Variants in PTPRK observed in about 807,000 individuals in gnomAD.
The protein encoded by PTPRK is receptor-type tyrosine-protein phosphatase kappa.
In PTPRK, 75 loss-of-function variants were observed where a neutral mutation model predicts 178.0. The observed-to-expected ratio is 0.42, with a 90% CI of 0.35 to 0.51. The LOEUF is 0.51. Among genes scored for constraint, PTPRK ranks in the 20% least tolerant of loss-of-function variants. The pLI is 0.02. For synonymous variants in PTPRK, 637 were observed against 620.6 expected (o/e 1.03, Z -0.39); for missense variants, 1,441 against 1,797.8 (o/e 0.80, Z 3.59).
At chr6:128,302,391 CAAAAAAAAAAA>C (rs534525238) in intron 3 of PTPRK, among the ~76,000 whole-genome samples, 3 of 30,914 alleles carry the variant, frequency 9.7e-5, no homozygotes, top group Admixed American at 4.5e-4. Context: ...GACTCAATTC[CAAAAAAAAAAA>C]AAAAAAAAAA....
At chr6:128,074,198 A>G (rs1341095900) in intron 11 of PTPRK, among the ~76,000 whole-genome samples, 1 of 152,076 alleles carries the variant, frequency 6.6e-6, no homozygotes, top group Non-Finnish European at 1.5e-5. Flanking sequence ...GATGTTCTCC[A>G]CAAAACAAAG....
At chr6:128,219,672 A>G (rs1583541606) in intron 5 of PTPRK, among the ~76,000 whole-genome samples, 2 of 152,234 alleles carry the variant, frequency 1.3e-5, no homozygotes, top group East Asian at 3.8e-4. Context: ...ACACCAGAGT[A>G]AATGAATTAA....
At chr6:128,236,638 C>A (rs1177700918) in intron 5 of PTPRK, among the ~76,000 whole-genome samples, 1 of 152,194 alleles carries the variant, frequency 6.6e-6, no homozygotes, top group East Asian at 1.9e-4. Flanking sequence ...TGAGCCACTG[C>A]GCCCGACCCT....
chr6:128,298,940 G>T (rs189473607), intron 3 of PTPRK, among the ~76,000 whole-genome samples: 328 of 152,290 alleles, frequency 2.2e-3, no homozygotes, highest in African/African-American at 7.4e-3. Flanking sequence ...GTCCCTGTTT[G>T]CAGACGACAT....
chr6:128,350,021 G>A (rs1033422709), intron 2 of PTPRK, among the ~76,000 whole-genome samples: 2 of 152,128 alleles, frequency 1.3e-5, no homozygotes. Flanking sequence ...ACTAGTTTTA[G>A]AATGTGGAGC....
intron 16 of PTPRK, among the ~76,000 whole-genome samples, chr6:127,997,440 G>A (rs1022003409): frequency 4.6e-5 from 7 of 151,980 alleles, no homozygotes; most frequent in African/African-American, 1.4e-4. Context: ...GCAATACATC[G>A]CATCTGAGTT....
chr6:128,244,898 G>T (rs1298163755), intron 3 of PTPRK, among the ~76,000 whole-genome samples: 6 of 152,158 alleles, frequency 3.9e-5, no homozygotes, highest in African/African-American at 1.4e-4. Context: ...TAAGAAAGAG[G>T]TCAAGAGAAA....
At chr6:128,287,969 C>T (rs1822778373) in intron 3 of PTPRK, among the ~76,000 whole-genome samples, 1 of 152,002 alleles carries the variant, frequency 6.6e-6, no homozygotes, top group African/African-American at 2.4e-5. Context: ...TTTTCTACTC[C>T]CTACCTACTT....
chr6:128,125,612 T>C (rs1299476534), intron 7 of PTPRK, among the ~76,000 whole-genome samples: 1 of 132,856 alleles, frequency 7.5e-6, no homozygotes, highest in Non-Finnish European at 1.7e-5. Flanking sequence ...CTTTTTTTTT[T>C]TTTTTTTTTT....
At chr6:128,283,791 A>C (rs748558582) in intron 3 of PTPRK, among the ~76,000 whole-genome samples, 15 of 152,170 alleles carry the variant, frequency 9.9e-5, no homozygotes, top group Non-Finnish European at 1.3e-4. Flanking sequence ...CTCAATTTGT[A>C]GTATGTTATC....
intron 1 of PTPRK, among the ~76,000 whole-genome samples, chr6:128,455,586 C>T (rs1000584369): frequency 1.3e-5 from 2 of 152,164 alleles, no homozygotes; most frequent in Non-Finnish European, 2.9e-5. Flanking sequence ...CAAATCCCAA[C>T]TCCTCCACTT....
At chr6:127,997,107 G>T in intron 16 of PTPRK, 119 bp from the exon 17 acceptor site, 1 of 965,206 alleles carries the variant, frequency 1.0e-6, no homozygotes, top group Non-Finnish European at 1.5e-6. Flanking sequence ...CAGTCCTACA[G>T]TAGTAAACAA....
chr6:128,469,633 C>G (rs987262101), intron 1 of PTPRK, among the ~76,000 whole-genome samples: 1 of 152,092 alleles, frequency 6.6e-6, no homozygotes, highest in Non-Finnish European at 1.5e-5. Context: ...GAATAATGCG[C>G]CCCCAACAAA....
chr6:128,264,152 C>G (rs1818599664), intron 3 of PTPRK, among the ~76,000 whole-genome samples: 1 of 152,130 alleles, frequency 6.6e-6, no homozygotes, highest in Admixed American at 6.6e-5. Flanking sequence ...TGATGTAGGT[C>G]CAGTTAACGA....
intron 3 of PTPRK, among the ~76,000 whole-genome samples, chr6:128,271,872 C>G (rs1307723370): frequency 6.6e-6 from 1 of 151,814 alleles, no homozygotes; most frequent in East Asian, 1.9e-4. Flanking sequence ...TAACATTGAA[C>G]TGAAAGGTTT....
intron 1 of PTPRK, among the ~76,000 whole-genome samples, chr6:128,408,440 A>C (rs1841950390): frequency 6.6e-6 from 1 of 152,152 alleles, no homozygotes; most frequent in Non-Finnish European, 1.5e-5. Context: ...AAACAGGAAA[A>C]ATCTCTCAGC....
chr6:128,001,305 C>T, intron 15 of PTPRK: 1 of 875,512 alleles, frequency 1.1e-6, no homozygotes. Context: ...TAGCATTAAG[C>T]AATATTTGAA....
At chr6:128,434,633 A>C (rs553960448) in intron 1 of PTPRK, among the ~76,000 whole-genome samples, 76 of 152,290 alleles carry the variant, frequency 5.0e-4, no homozygotes, top group Non-Finnish European at 8.1e-4. Context: ...CAATAAATAT[A>C]ATTAGTTAAA....
At chr6:128,144,266 C>A (rs1309847452) in intron 7 of PTPRK, among the ~76,000 whole-genome samples, 15 of 152,126 alleles carry the variant, frequency 9.9e-5, no homozygotes, top group Non-Finnish European at 1.9e-4. Context: ...AAATAACTTA[C>A]CAAATAATGA....
Sources: allele counts gnomAD v4.1 joint callset (sites outside exome capture counted in the v4.1 genomes callset), GRCh38; gene constraint gnomAD v4.1.1; transcripts MANE v1.5; gene names NCBI Gene and HGNC (gene_info 2026-07-23, HGNC 2026-07-21).